USP40: variants seen among roughly 807,000 people sequenced by gnomAD.
USP40 encodes ubiquitin carboxyl-terminal hydrolase 40.
In USP40, 143 loss-of-function variants were observed where a neutral mutation model predicts 166.2. The ratio of observed to expected loss-of-function variants is 0.86; its 90% CI spans 0.75 to 0.99. The LOEUF (loss-of-function observed/expected upper bound fraction) is 0.99, where lower values mean the gene tolerates loss of function less well. Ranked by LOEUF, USP40 falls within the 50% of genes least tolerant of loss-of-function variation. The pLI, the probability that USP40 is intolerant of heterozygous loss-of-function variation, is 0.00. For missense variants in USP40, 1,444 were observed against 1,479.7 expected (o/e 0.98, Z 0.40); for synonymous variants, 498 against 524.0 (o/e 0.95, Z 0.68).
At chr2:233,537,306 T>C (rs2125296700) in intron 10 of USP40, among the ~76,000 whole-genome samples, 1 of 152,294 alleles carries the variant, frequency 6.6e-6, no homozygotes, top group African/African-American at 2.4e-5. Flanking sequence ...GTGGGTGTCA[T>C]CTGGGGATTC....
intron 30 of USP40, among the ~76,000 whole-genome samples, chr2:233,481,865 A>ATGTTATT (rs1262905504): frequency 6.6e-6 from 1 of 152,098 alleles, no homozygotes; most frequent in Non-Finnish European, 1.5e-5. Flanking sequence ...TTCCACACGC[A>ATGTTATT]TGTTATTTCC....
At chr2:233,507,826 G>A (rs1161224538) in intron 21 of USP40, among the ~76,000 whole-genome samples, 2 of 151,990 alleles carry the variant, frequency 1.3e-5, no homozygotes, top group Non-Finnish European at 2.9e-5. Context: ...AAAATAGTTA[G>A]AAAAGCTCTT....
chr2:233,489,856 G>A (rs1288183846), intron 26 of USP40: 1 of 167,572 alleles, frequency 6.0e-6, no homozygotes, highest in Non-Finnish European at 1.3e-5. Flanking sequence ...CACAACAGCA[G>A]CCTTCTTCCG....
intron 6 of USP40, 90 bp from the exon 7 acceptor site, chr2:233,551,609 T>C (rs1435789412): frequency 1.6e-5 from 20 of 1,247,478 alleles, no homozygotes; most frequent in Middle Eastern, 5.5e-4. Context: ...AAACAACCTA[T>C]GACACAGTTC....
chr2:233,555,290 T>C (rs2070966113), intron 5 of USP40, among the ~76,000 whole-genome samples: 1 of 152,232 alleles, frequency 6.6e-6, no homozygotes, highest in Non-Finnish European at 1.5e-5. Flanking sequence ...CTGCTATAAC[T>C]ACATTTGAAT....
At chr2:233,558,580 A>T (rs1190710673) in intron 4 of USP40, among the ~76,000 whole-genome samples, 1 of 152,168 alleles carries the variant, frequency 6.6e-6, no homozygotes, top group Non-Finnish European at 1.5e-5. Context: ...GACAGAAAGG[A>T]GGTCAGTGGT....
chr2:233,499,170 C>A, intron 22 of USP40, among the ~76,000 whole-genome samples: 1 of 128,610 alleles, frequency 7.8e-6, no homozygotes, highest in Non-Finnish European at 1.6e-5. Context: ...CCCCCCCATA[C>A]ACCAACAGGC....
rs534097250 is a variant in USP40, at chr2:233,558,287, T to A, written c.382-1268A>T. Among the ~76,000 whole-genome samples the A allele has an allele frequency of 1.9e-4, 29 of 151,162 alleles. No individual in the cohort carries two copies. The South Asian group carries it at 3.8e-3, about 20-fold the overall frequency. On this transcript the variant is annotated intron_variant, in intron 4 of 31. Transcript: ENST00000678225. ...TTATTTAGACAAAAAACAAAAAAAA[T>A]TTTCACAGCATTAAGAAGAAACCAG... is the stretch of plus-strand genomic sequence containing the variant.
chr2:233,488,944 AAAAGAAAGAAACGAG>A (rs757182833), intron 27 of USP40, among the ~76,000 whole-genome samples: 9 of 152,086 alleles, frequency 5.9e-5, no homozygotes, highest in Non-Finnish European at 1.2e-4. Flanking sequence ...GGAAAGAAAG[AAAAGAAAGAAACGAG>A]AAAGAAAGAA....
intron 10 of USP40, among the ~76,000 whole-genome samples, chr2:233,536,180 C>A (rs576062508): frequency 6.6e-6 from 1 of 151,832 alleles, no homozygotes; most frequent in African/African-American, 2.4e-5. Context: ...TAATAGCAAA[C>A]AGCTATTATA....
At position 233,491,247 on chromosome 2, in the gene USP40, C is replaced by T. The variant is rs193176157; in HGVS notation, c.2932G>A (p.Glu978Lys). 4.4e-5 allele frequency: 71 copies of T among 1,611,680 alleles called. No individual in the cohort carries two copies. In the Middle Eastern group the frequency reaches 9.9e-4, roughly 22 times the overall value. Residue 978 changes from glutamate (E) to lysine (K), a missense_variant, in exon 26 of 32, where the codon GAG (glutamate) becomes AAG (lysine). Coordinates refer to ENST00000678225, the MANE Select transcript of USP40 (RefSeq NM_001365479.2). ...ATSSQGASGNEPAQVSLLYLG... is the reference protein window; with the variant it reads ...ATSSQGASGNKPAQVSLLYLG... ...TAGAGGAGAGAAACTTGCGCAGGCT[C>T]GTTCCCAGAAGCACCTTCCAAAGGA...
intron 8 of USP40, among the ~76,000 whole-genome samples, chr2:233,547,251 C>T (rs952573648): frequency 2.0e-5 from 3 of 152,106 alleles, no homozygotes; most frequent in Non-Finnish European, 4.4e-5. Context: ...TTCAATACAT[C>T]AGCCACAAAC....
At chr2:233,553,345 A>G (rs1442325079) in intron 6 of USP40, among the ~76,000 whole-genome samples, 1 of 152,202 alleles carries the variant, frequency 6.6e-6, no homozygotes, top group Non-Finnish European at 1.5e-5. Context: ...ATAAAATGGG[A>G]AAAAAACCCA....
intron 9 of USP40, among the ~76,000 whole-genome samples, chr2:233,541,731 TAAAC>T (rs1468585653): frequency 6.6e-6 from 1 of 152,170 alleles, no homozygotes; most frequent in Non-Finnish European, 1.5e-5. Flanking sequence ...AACAGCATAT[TAAAC>T]AAACTTTAAA....
chr2:233,529,596 T>G, intron 11 of USP40, 84 bp from the exon 12 acceptor site: 1 of 929,590 alleles, frequency 1.1e-6, no homozygotes, highest in Non-Finnish European at 1.5e-6. Context: ...TAGGAAGGAC[T>G]GTCCTAGGAG....
chr2:233,479,346 C>T (rs1216691776), intron 31 of USP40, among the ~76,000 whole-genome samples: 1 of 152,160 alleles, frequency 6.6e-6, no homozygotes, highest in East Asian at 1.9e-4. Context: ...GGGCTGATCA[C>T]AAGGTCAAGA....
At position 233,488,722 on chromosome 2, in the gene USP40, T is replaced by C. The variant is rs200394290; in HGVS notation, c.3132-418A>G. ...TGAGGCTAGGAGTTCGCGACCAGACTGGGCAACATAGGGAGACCTCGTCAA... is the reference window on the plus strand; with the variant it reads ...TGAGGCTAGGAGTTCGCGACCAGACCGGGCAACATAGGGAGACCTCGTCAA... On this transcript the variant is annotated intron_variant, in intron 27 of 31. Transcript: ENST00000678225. Among the ~76,000 whole-genome samples the C allele has an allele frequency of 3.3e-5, 5 of 152,142 alleles. No homozygotes were observed. The East Asian group carries it at 7.7e-4, about 23-fold the overall frequency.
intron 5 of USP40, among the ~76,000 whole-genome samples, chr2:233,555,950 TAA>T (rs779039826): frequency 4.6e-5 from 7 of 151,300 alleles, no homozygotes; most frequent in Admixed American, 6.6e-5. Flanking sequence ...CCGTCTCTAC[TAA>T]AAAAATACAA....
At chr2:233,537,348 A>G (rs2069013269) in intron 10 of USP40, among the ~76,000 whole-genome samples, 1 of 152,204 alleles carries the variant, frequency 6.6e-6, no homozygotes, top group Admixed American at 6.5e-5. Context: ...ATGGAAGGAT[A>G]TAGTTAGACT....
Sources: gnomAD v4.1 joint callset for allele counts (sites outside exome capture counted in the v4.1 genomes callset) on GRCh38, gnomAD v4.1.1 for gene constraint, MANE v1.5 for transcripts, NCBI Gene and HGNC (gene_info 2026-07-23, HGNC 2026-07-21) for gene names.